The following TBXAS1 variants were observed in gnomAD, a reference collection of about 807,000 sequenced individuals.
TBXAS1 encodes the protein thromboxane A synthase 1.
TBXAS1 carries 48 observed loss-of-function variants against 60.7 expected under a neutral mutation model. The observed-to-expected ratio is 0.79, with a 90% CI of 0.63 to 1.01. The LOEUF (loss-of-function observed/expected upper bound fraction) is 1.01. Ranked by LOEUF, TBXAS1 falls within the 50% of genes least tolerant of loss-of-function variation. The pLI is 0.00. For synonymous variants in TBXAS1, 287 were observed against 269.7 expected (o/e 1.06, Z -0.63); for missense variants, 685 against 686.3 (o/e 1.00, Z 0.02).
chr7:139,957,196 A>C (rs1410772484), intron 7 of TBXAS1, among the ~76,000 whole-genome samples: 1 of 152,252 alleles, frequency 6.6e-6, no homozygotes, highest in African/African-American at 2.4e-5. Context: ...GCTGGGAACA[A>C]TTATCCACTG....
chr7:139,956,870 G>T (rs1436442019), intron 7 of TBXAS1, among the ~76,000 whole-genome samples: 1 of 152,248 alleles, frequency 6.6e-6, no homozygotes, highest in Non-Finnish European at 1.5e-5. Context: ...TGTCACATTG[G>T]TTCGGACTCT....
Position 139,959,786 on chromosome 7 carries a change from A to T in TBXAS1, c.819+2022A>T, listed in dbSNP as rs903989334. On this transcript the variant is annotated intron_variant, in intron 8 of 12. Transcript: ENST00000448866. Reference sequence around the variant, plus strand: ...AAGCCTCAGGGACCACAATGATATCACACCCTGAGGACCTTCAGAGGGACT... The same window carrying T: ...AAGCCTCAGGGACCACAATGATATCTCACCCTGAGGACCTTCAGAGGGACT... Among the ~76,000 whole-genome samples the T allele has an allele frequency of 4.6e-5, 7 of 152,046 alleles. 1 individual carries two copies. The highest frequency in any genetic ancestry group is 7.4e-5 in the Non-Finnish European group (5 of 68,018).
At chr7:139,927,700 G>A (rs1256983664) in intron 4 of TBXAS1, among the ~76,000 whole-genome samples, 2 of 152,062 alleles carry the variant, frequency 1.3e-5, no homozygotes, top group Non-Finnish European at 2.9e-5. Flanking sequence ...GCAATATTTT[G>A]TAGTTCCAGA....
At chr7:139,870,041 T>G (rs1801707509) in intron 1 of TBXAS1, among the ~76,000 whole-genome samples, 1 of 152,204 alleles carries the variant, frequency 6.6e-6, no homozygotes, top group Non-Finnish European at 1.5e-5. Context: ...TTGGCCAGTT[T>G]CCAGCTGAAG....
intron 1 of TBXAS1, among the ~76,000 whole-genome samples, chr7:139,851,397 A>T (rs1314815094): frequency 6.6e-6 from 1 of 152,212 alleles, no homozygotes; most frequent in Non-Finnish European, 1.5e-5. Context: ...TTATAATTTT[A>T]TTTTGTGGGT....
chr7:139,782,773 C>T (rs1205042375), intron 3 of TBXAS1: 1 of 152,166 alleles, frequency 6.6e-6, no homozygotes, highest in African/African-American at 2.4e-5. Flanking sequence ...TCACACCTCT[C>T]TTTTGGTCTC....
At chr7:139,962,450 G>T in intron 9 of TBXAS1, 1 of 549,564 alleles carries the variant, frequency 1.8e-6, no homozygotes, top group South Asian at 1.9e-5. Context: ...AATTGTGTGT[G>T]CACCTTCACT....
Position 139,987,054 on chromosome 7 carries a change from G to A in TBXAS1, c.1135-20037G>A, listed in dbSNP as rs1189434921. On this transcript the variant is annotated intron_variant, in intron 9 of 12. Coordinates refer to ENST00000448866, the MANE Select transcript of TBXAS1 (RefSeq NM_001061.7). ...GCCTGGGCAGTGCCCTGAGAGCTTA[G>A]CAGTGCAGTCATGAGCCAGCACTCT... Among the ~76,000 whole-genome samples the A allele has an allele frequency of 5.3e-5, 8 of 152,126 alleles. No individual in the cohort carries two copies. In the East Asian group the frequency reaches 1.6e-3, roughly 30 times the overall value.
intron 1 of TBXAS1, among the ~76,000 whole-genome samples, chr7:139,846,987 G>A (rs1168998890): frequency 1.3e-5 from 2 of 152,088 alleles, no homozygotes; most frequent in East Asian, 1.9e-4. Flanking sequence ...ACGGTCAAGC[G>A]GAGATAGTCA....
At chr7:139,947,332 C>T (rs955778607) in intron 5 of TBXAS1, among the ~76,000 whole-genome samples, 6 of 152,162 alleles carry the variant, frequency 3.9e-5, no homozygotes, top group African/African-American at 7.2e-5. Flanking sequence ...CCGAACACCA[C>T]ATGTTCTCAC....
At chr7:139,886,877 T>C (rs963980721) in intron 3 of TBXAS1, among the ~76,000 whole-genome samples, 8 of 152,198 alleles carry the variant, frequency 5.3e-5, no homozygotes, top group Non-Finnish European at 8.8e-5. Context: ...CCCAAAGGCT[T>C]AGCCTTCTCT....
At chr7:139,934,605 CCACAGTGCTG>C (rs1248229289) in intron 4 of TBXAS1, among the ~76,000 whole-genome samples, 1 of 152,178 alleles carries the variant, frequency 6.6e-6, no homozygotes, top group East Asian at 1.9e-4. Context: ...ATTGCTTTTC[CCACAGTGCTG>C]GAGATCAGAA....
intron 1 of TBXAS1, 85 bp from the exon 2 acceptor site, chr7:139,872,150 A>G (rs750070573): frequency 7.4e-7 from 1 of 1,357,606 alleles, no homozygotes; most frequent in Non-Finnish European, 1.1e-6. Flanking sequence ...ACTTCCAGAG[A>G]GCTCAGTAAT....
intron 4 of TBXAS1, among the ~76,000 whole-genome samples, chr7:139,804,116 CAG>C (rs1797785171): frequency 6.6e-6 from 1 of 152,212 alleles, no homozygotes; most frequent in Non-Finnish European, 1.5e-5. Flanking sequence ...GGAAAGCAGC[CAG>C]AAGGGGGGCT....
chr7:140,006,725 G>T (rs559540357), intron 9 of TBXAS1, among the ~76,000 whole-genome samples: 1 of 152,260 alleles, frequency 6.6e-6, no homozygotes, highest in South Asian at 2.1e-4. Flanking sequence ...TAAGAGATGG[G>T]GAAACAGTCA....
At chr7:139,918,161 T>G (rs1476066318) in intron 4 of TBXAS1, among the ~76,000 whole-genome samples, 1 of 152,240 alleles carries the variant, frequency 6.6e-6, no homozygotes, top group African/African-American at 2.4e-5. Flanking sequence ...GAAATGTCTT[T>G]GATTTTAGTT....
intron 9 of TBXAS1, among the ~76,000 whole-genome samples, chr7:139,973,742 A>C (rs1185554043): frequency 1.3e-5 from 2 of 152,078 alleles, no homozygotes; most frequent in Non-Finnish European, 2.9e-5. Flanking sequence ...TAAAATTTAA[A>C]TATTTAGATT....
chr7:139,926,299 G>T (rs1283640465), intron 4 of TBXAS1, among the ~76,000 whole-genome samples: 2 of 152,154 alleles, frequency 1.3e-5, no homozygotes, highest in African/African-American at 2.4e-5. Context: ...TTTGCTGGGA[G>T]ACTTTTTATT....
intron 4 of TBXAS1, among the ~76,000 whole-genome samples, chr7:139,818,258 G>C (rs1390383812): frequency 3.3e-5 from 5 of 152,126 alleles, no homozygotes; most frequent in Non-Finnish European, 5.9e-5. Flanking sequence ...GTTAGGAGAG[G>C]GTGAAGGTAT....
Sources: allele counts gnomAD v4.1 joint callset (sites outside exome capture counted in the v4.1 genomes callset), GRCh38; gene constraint gnomAD v4.1.1; transcripts MANE v1.5; gene names NCBI Gene and HGNC (gene_info 2026-07-23, HGNC 2026-07-21).